ERMP1: variants seen among roughly 807,000 people sequenced by gnomAD.
ERMP1 encodes the protein Felix-ina.
ERMP1 carries 86 observed loss-of-function variants against 92.0 expected under a neutral mutation model. The ratio of observed to expected loss-of-function variants is 0.93; its 90% CI spans 0.79 to 1.12. ERMP1 has a LOEUF of 1.12. ERMP1 is among the 50% of genes most tolerant of loss of function. The pLI is 0.00. For synonymous variants in ERMP1, 530 were observed against 412.8 expected (o/e 1.28, Z -3.44); for missense variants, 1,342 against 1,116.3 (o/e 1.20, Z -2.88).
Position 5,805,691 on chromosome 9 carries a change from CA to C in ERMP1, c.1642del (p.Cys548AlafsTer10). The C allele has an allele frequency of 5.0e-6, 8 of 1,613,604 alleles. No individual in the cohort carries two copies. The highest frequency in any genetic ancestry group is 6.8e-6 in the Non-Finnish European group (8 of 1,179,848). Reference protein sequence around the residue: ...FLVTLTYQGLCSAFISAVWVA... With the variant: ...FLVTLTYQGLXSAFISAVWVA... ...CCAGACAGCACTAATAAACGCCGAG[CA>C]AAGTCCTTGGTAAGTGAGGGTAACA... On this transcript the variant is annotated frameshift_variant, in exon 9 of 15. Coordinates refer to ENST00000339450, the MANE Select transcript of ERMP1 (RefSeq NM_024896.3). LOFTEE classifies it high-confidence loss of function.
At chr9:5,825,064 C>G in intron 3 of ERMP1, 28 bp downstream of exon 3, 1 of 1,607,190 alleles carries the variant, frequency 6.2e-7, no homozygotes, top group Non-Finnish European at 8.5e-7. Context: ...CTTATTCAAG[C>G]CTGATATTTA....
intron 6 of ERMP1, among the ~76,000 whole-genome samples, chr9:5,844,058 C>A (rs986149913): frequency 3.9e-5 from 6 of 152,062 alleles, no homozygotes; most frequent in Non-Finnish European, 8.8e-5. Flanking sequence ...GGAGAAGAAT[C>A]TCAGTCAGAC....
rs767743378 is a variant in ERMP1 at position 5,811,261 on chromosome 9, T to C, written c.1177A>G (p.Lys393Glu). The part of the protein sequence containing the change: ...ATSDMLAAAS[K>E]YRHGNMVFFD... ...AAGACCATGTTTCCATGTCGATACTTAGAAGCAGCAGCCAGCATATCAGAT... is the reference window on the plus strand; with the variant it reads ...AAGACCATGTTTCCATGTCGATACTCAGAAGCAGCAGCCAGCATATCAGAT... The change falls in exon 7 of 15, where the codon AAG becomes GAG. Residue 393 changes from lysine (K) to glutamate (E), a missense_variant. By Grantham distance (56) the Lys-to-Glu change is moderately conservative. Transcript: ENST00000339450. The C allele has an allele frequency of 1.2e-5, 20 of 1,613,262 alleles. No homozygotes were observed. Among genetic ancestry groups the C allele is most frequent in the Non-Finnish European group, 1.7e-5 (20 of 1,179,900 alleles).
In ERMP1 at chr9:5,787,725, A is replaced by G. The variant is rs189400569; in HGVS notation, c.2387-132T>C. The G allele has an allele frequency of 1.4e-3, 1,178 of 841,318 alleles. 1 individual carries two copies. The highest frequency in any genetic ancestry group is 1.7e-3 in the Non-Finnish European group (970 of 556,932). The allele number at this position is 841,318 out of a possible 1,614,324, so 52.1% of individuals were successfully genotyped here. On this transcript the variant is annotated intron_variant, in intron 13 of 14. Transcript: ENST00000339450. ...AATATACTTACTATAAACCTAATGG[A>G]GGTTTACCAGTTTGGACACTTAGTG...
chr9:5,837,462 G>A (rs1281247861), upstream of ERMP1, among the ~76,000 whole-genome samples: 4 of 151,872 alleles, frequency 2.6e-5, no homozygotes, highest in Non-Finnish European at 5.9e-5. Flanking sequence ...AAAAGTACAA[G>A]GACTCTTTAA....
chr9:5,833,064 C>G lies in ERMP1; in HGVS notation c.-37G>C. 1 of 1,408,916 alleles carries G rather than the reference C, an allele frequency of 7.1e-7. No homozygotes were observed. The highest frequency in any genetic ancestry group is 2.9e-5 in the East Asian group (1 of 34,440). 87.3% of individuals were successfully genotyped at this position (1,408,916 alleles called of 1,614,324 possible). ...TCAGCTGCCAGCCCAACCGCCCCAA[C>G]CCGCGACAGCCCCGGCCGCCGCCGA... On this transcript the variant is annotated 5_prime_UTR_variant, in exon 1 of 15. Transcript: ENST00000339450.
rs772362220 is a variant in ERMP1, at chr9:5,806,428, CT to C, written c.1549-644del. ...CTTCAAAATAAAGTTGCCATATAAA[CT>C]TTTTTTTTTTTTTTTTGAGACAGGT... On this transcript the variant is annotated intron_variant, in intron 8 of 14. Coordinates refer to ENST00000339450, the MANE Select transcript of ERMP1 (RefSeq NM_024896.3). Among the ~76,000 whole-genome samples, 937 of 140,108 alleles carry C rather than the reference CT, an allele frequency of 6.7e-3. 3 individuals are homozygous for C. The highest frequency in any genetic ancestry group is 0.012 in the African/African-American group (471 of 38,088). The allele number at this position is 140,108 out of a possible 152,430, so 91.9% of individuals were successfully genotyped here.
chr9:5,797,683 A>T, intron 13 of ERMP1, 134 bp downstream of exon 13: 3 of 649,488 alleles, frequency 4.6e-6, no homozygotes, highest in South Asian at 1.9e-5. Flanking sequence ...ACCAGCTTCA[A>T]TTGATTTTAG....
intron 4 of ERMP1, among the ~76,000 whole-genome samples, chr9:5,822,930 G>T (rs539251591): frequency 1.1e-3 from 167 of 152,096 alleles, no homozygotes; most frequent in Non-Finnish European, 1.6e-3. Flanking sequence ...TCCAATAATG[G>T]AACACTAGGC....
In ERMP1 at chr9:5,805,650, G is replaced by A; in HGVS notation, c.1684C>T (p.Leu562Phe). The change falls in exon 9 of 15, where the codon CTC becomes TTC. Residue 562 changes from leucine (L) to phenylalanine (F), a missense_variant. By Grantham distance (22) the Leu-to-Phe change is conservative. Transcript: ENST00000339450. Reference protein sequence around the residue: ...ISAVWVAFPLLTKLCVHKDFK... With the variant: ...ISAVWVAFPLFTKLCVHKDFK... ...TCCTTATGCACACAGAGCTTTGTGA[G>A]CAATGGGAATGCTACCCAGACAGCA... 3.1e-6 allele frequency: 5 copies of A among 1,608,856 alleles called. No individual in the cohort carries two copies. Among genetic ancestry groups the A allele is most frequent in the Non-Finnish European group, 4.2e-6 (5 of 1,178,242 alleles).
At chr9:5,834,987 G>A (rs1017541406), upstream of ERMP1, among the ~76,000 whole-genome samples, 14 of 132,874 alleles carry the variant, frequency 1.1e-4, no homozygotes, top group Non-Finnish European at 1.9e-4. Flanking sequence ...ATGTGTGTGT[G>A]TGTGTGTGTG....
chr9:5,860,343 G>T (rs375571286), intron 5 of ERMP1, among the ~76,000 whole-genome samples: 82 of 151,848 alleles, frequency 5.4e-4, no homozygotes, highest in Admixed American at 1.1e-3. Context: ...TGGGATAAAT[G>T]CACTGTCAGT....
In ERMP1 at chr9:5,801,207, G is replaced by C; in HGVS notation, c.2036C>G (p.Ala679Gly). Residue 679 changes from alanine to glycine, a missense_variant, in exon 11 of 15, where the codon GCT becomes GGT. Physicochemically the swap from Ala to Gly is moderately conservative, Grantham distance 60 (BLOSUM62 0). Coordinates refer to ENST00000339450, the MANE Select transcript of ERMP1 (RefSeq NM_024896.3). ...AAACACTCTCTTTGGCTTCGGATTA[G>C]CAGGATTGGAGCTATATGGAAAAAA... ...GTFFPYSSNP[A>G]NPKPKRVFLQ... 1 of 1,612,972 alleles carries C rather than the reference G, an allele frequency of 6.2e-7. No homozygotes were observed. Among genetic ancestry groups the C allele is most frequent in the Non-Finnish European group, 8.5e-7 (1 of 1,179,586 alleles).
intron 11 of ERMP1, 42 bp downstream of exon 11, chr9:5,801,134 C>T (rs1229542755): frequency 1.9e-6 from 3 of 1,576,846 alleles, no homozygotes; most frequent in South Asian, 2.4e-5. Flanking sequence ...ACACACAGGG[C>T]TTCCTTTCCA....
Position 5,812,881 on chromosome 9 carries a change from C to T in ERMP1, c.1021+8G>A, listed in dbSNP as rs1829154939. 3 of 1,613,856 alleles carry T rather than the reference C, an allele frequency of 1.9e-6. No homozygotes were observed. Among genetic ancestry groups the T allele is most frequent in the African/African-American group, 2.7e-5 (2 of 75,018 alleles). On this transcript the variant is annotated splice_region_variant and intron_variant, in intron 5 of 14. Coordinates refer to ENST00000339450, the MANE Select transcript of ERMP1 (RefSeq NM_024896.3). ...CTGCACAGTAGGCCGTAACCATTGA[C>T]AATATACCTGGAATGTTCCCAAAAT...
intron 6 of ERMP1, among the ~76,000 whole-genome samples, chr9:5,855,024 C>G (rs1586842043): frequency 6.6e-6 from 1 of 152,290 alleles, no homozygotes; most frequent in Admixed American, 6.5e-5. Context: ...CACCCTCTTT[C>G]ATAGCTCAGT....
intron 14 of ERMP1, 30 bp downstream of exon 14, chr9:5,787,400 A>C: frequency 2.5e-6 from 4 of 1,608,912 alleles, no homozygotes; most frequent in South Asian, 1.1e-5. Flanking sequence ...AACCTAATCA[A>C]TGAAACAAAC....
chr9:5,787,052 T>A lies in ERMP1; in HGVS notation c.*92A>T. The A allele has an allele frequency of 7.9e-7, 1 of 1,266,856 alleles. No individual in the cohort carries two copies. Among genetic ancestry groups the A allele is most frequent in the Non-Finnish European group, 1.1e-6 (1 of 914,326 alleles). The allele number at this position is 1,266,856 out of a possible 1,614,324, so 78.5% of individuals were successfully genotyped here. A position where few individuals can be genotyped will look rare whatever the true frequency, so the allele number is the denominator to read the frequency against. ...TTGAACATATGATCATTAAAATTCA[T>A]TGACTTACGTTACAAACATCCACGT... On this transcript the variant is annotated 3_prime_UTR_variant, in exon 15 of 15. Transcript: ENST00000339450.
At chr9:5,857,326 T>C (rs1450125752) in intron 6 of ERMP1, among the ~76,000 whole-genome samples, 1 of 152,102 alleles carries the variant, frequency 6.6e-6, no homozygotes, top group East Asian at 1.9e-4. Context: ...ATGGCCGAAA[T>C]TTTTTTCAAT....
Sources: allele counts gnomAD v4.1 joint callset (sites outside exome capture counted in the v4.1 genomes callset), GRCh38; gene constraint gnomAD v4.1.1; transcripts MANE v1.5; gene names NCBI Gene and HGNC (gene_info 2026-07-23, HGNC 2026-07-21).